The following RGS12 variants were observed in gnomAD, a reference collection of about 807,000 sequenced individuals.
The protein encoded by RGS12 is regulator of G-protein signaling 12.
In RGS12, 66 loss-of-function variants were observed where a neutral mutation model predicts 120.1. That is an observed-to-expected ratio of 0.55 (90% confidence interval 0.45 to 0.67). The LOEUF is 0.67. Ranked by LOEUF, RGS12 falls within the 30% of genes least tolerant of loss-of-function variation. RGS12 has a pLI of 0.00. For synonymous variants in RGS12, 827 were observed against 804.7 expected, an observed-to-expected ratio of 1.03 and a Z score of -0.47; for missense variants, 1,859 against 1,957.7, an observed-to-expected ratio of 0.95 and a Z score of 0.95.
Position 3,430,449 on chromosome 4 carries a change from A to G in RGS12, c.3608A>G (p.Asp1203Gly), listed in dbSNP as rs1169044505. 6.2e-7 allele frequency: 1 copy of G among 1,613,884 alleles called. No homozygotes were observed. The change falls in exon 17 of 18, where the codon GAT becomes GGT. Residue 1203 changes from aspartate to glycine, a missense_variant. By Grantham distance (94) the Asp-to-Gly change is moderately conservative. Coordinates refer to ENST00000336727, the MANE Select transcript of RGS12 (RefSeq NM_001394154.1). ...LISKAQSNRADDQRGLLRKED... is the reference protein window; with the variant it reads ...LISKAQSNRAGDQRGLLRKED... ...TCCAAAGCTCAGAGCAACAGAGCAG[A>G]TGACCAACGTGGGCTGCTAAGGAAG... is the stretch of plus-strand genomic sequence containing the variant.
intron 2 of RGS12, among the ~76,000 whole-genome samples, chr4:3,332,638 A>T (rs759764929): frequency 2.0e-5 from 3 of 152,178 alleles, no homozygotes; most frequent in African/African-American, 7.2e-5. Flanking sequence ...CGCCTACTCA[A>T]ACCTTTTGGT....
chr4:3,305,186 G>A (rs1372990287), intron 1 of RGS12, among the ~76,000 whole-genome samples: 1 of 152,228 alleles, frequency 6.6e-6, no homozygotes, highest in Non-Finnish European at 1.5e-5. Flanking sequence ...CGAGACGAAA[G>A]CCATGGTCTT....
At position 3,295,285 on chromosome 4, in the gene RGS12, T is replaced by C. The variant is rs144596364; in HGVS notation, c.-102+2186T>C. 1.5e-3 allele frequency among the ~76,000 whole-genome samples: 232 copies of C among 152,210 alleles called. 3 individuals carry two copies. Among genetic ancestry groups the C allele is most frequent in the Admixed American group, 3.7e-3 (56 of 15,288 alleles). ...TTCCGGCTGATAGAAGGGGGCTGAG[T>C]GGGCTCTGCAGGCCTGGTTGACAGT... On this transcript the variant is annotated intron_variant, in intron 1 of 17. Coordinates refer to ENST00000336727, the MANE Select transcript of RGS12 (RefSeq NM_001394154.1).
chr4:3,353,238 G>A (rs577000793), intron 3 of RGS12, among the ~76,000 whole-genome samples: 5 of 152,286 alleles, frequency 3.3e-5, no homozygotes, highest in African/African-American at 4.8e-5. Flanking sequence ...GACTACAAAC[G>A]TACACTACTG....
At chr4:3,298,497 T>C (rs1297091641) in intron 1 of RGS12, among the ~76,000 whole-genome samples, 12 of 152,212 alleles carry the variant, frequency 7.9e-5, no homozygotes, top group Non-Finnish European at 2.9e-5. Context: ...AACACAAGCA[T>C]GCACCCCCAC....
chr4:3,416,529 C>T (rs570506970), intron 7 of RGS12, among the ~76,000 whole-genome samples: 8 of 152,296 alleles, frequency 5.3e-5, no homozygotes, highest in Admixed American at 6.5e-5. Context: ...CGCTGCGGCA[C>T]GTGGGTCACG....
chr4:3,423,383 GCTGGGGCTGAA>G, intron 12 of RGS12, 121 bp from the exon 13 acceptor site: 1 of 1,234,692 alleles, frequency 8.1e-7, no homozygotes, highest in Non-Finnish European at 1.2e-6. Context: ...GTTCTGATCA[GCTGGGGCTGAA>G]CTGGGGGGCA....
chr4:3,359,490 C>G (rs1213172428), intron 3 of RGS12, among the ~76,000 whole-genome samples: 4 of 126,546 alleles, frequency 3.2e-5, no homozygotes, highest in Non-Finnish European at 6.6e-5. Flanking sequence ...ATTAGCTCTT[C>G]AAATGTTTGG....
At position 3,366,780 on chromosome 4, in the gene RGS12, G is replaced by C. The variant is rs1716355070; in HGVS notation, c.1999-19636G>C. ...GGTGGGCGCAGGAACTGGTGAGAGAGGCCTGGGAGACAGGTGAGTCTGTAA... is the reference window on the plus strand; with the variant it reads ...GGTGGGCGCAGGAACTGGTGAGAGACGCCTGGGAGACAGGTGAGTCTGTAA... On this transcript the variant is annotated intron_variant, in intron 3 of 17. Transcript: ENST00000336727. This position sits in a 1 kb window ranked among gnomAD's most constrained non-coding sequence, Gnocchi z 4.0. Among the ~76,000 whole-genome samples, 1 of 152,194 alleles carries C rather than the reference G, an allele frequency of 6.6e-6. No homozygotes were observed. Among genetic ancestry groups the C allele is most frequent in the Non-Finnish European group, 1.5e-5 (1 of 68,030 alleles).
intron 13 of RGS12, among the ~76,000 whole-genome samples, chr4:3,424,538 C>A (rs1723397672): frequency 6.6e-6 from 1 of 152,204 alleles, no homozygotes. Context: ...AATTGTTTAG[C>A]CCCTGTGTGT....
In RGS12 at chr4:3,316,476, C is replaced by T. The variant is rs758958882; in HGVS notation, c.306C>T (p.Phe102=). ...TGATTGCTGAAGGCGTCGGCCGCTT[C>T]GAATCCTGTTCCAGTGATGAAGAAG... ...HMVIAEGVGR[F]ESCSSDEEGG... Residue 102 remains phenylalanine (F), a synonymous_variant, in exon 2 of 18, where the codon TTC becomes TTT. Coordinates refer to ENST00000336727, the MANE Select transcript of RGS12 (RefSeq NM_001394154.1). 27 of 1,614,036 alleles carry T rather than the reference C, an allele frequency of 1.7e-5. No individual in the cohort carries two copies. The Middle Eastern group carries it at 9.9e-4, about 59-fold the overall frequency.
rs149260579 is a variant in RGS12, at chr4:3,422,471, C to T, written c.2934C>T (p.Val978=). ...ATGGGACATCCTGCGTGGTGGCTGT[C>T]AAGGCGGGCTTCTCCATCAAAGACA... The part of the protein sequence containing the change: ...LPDGTSCVVA[V]KAGFSIKDIL... Residue 978 remains valine (V), a synonymous_variant, in exon 11 of 18, where the codon GTC becomes GTT. Coordinates refer to ENST00000336727, the MANE Select transcript of RGS12 (RefSeq NM_001394154.1). 4 of 1,613,138 alleles carry T rather than the reference C, an allele frequency of 2.5e-6. No homozygotes were observed. Among genetic ancestry groups the T allele is most frequent in the Non-Finnish European group, 2.5e-6 (3 of 1,179,992 alleles).
In RGS12 at chr4:3,422,905, C is replaced by T. The variant is rs1270367985; in HGVS notation, c.3034C>T (p.Pro1012Ser). The T allele has an allele frequency of 6.2e-7, 1 of 1,612,992 alleles. No individual in the cohort carries two copies. Among genetic ancestry groups the T allele is most frequent in the Non-Finnish European group, 8.5e-7 (1 of 1,179,734 alleles). Residue 1012 changes from proline (P) to serine (S), a missense_variant and splice_region_variant, in exon 12 of 18, where the codon CCT becomes TCT. This residue lies in a region of RGS12 where 375 missense variants were observed against 475.0 expected (regional missense o/e 0.79). Coordinates refer to ENST00000336727, the MANE Select transcript of RGS12 (RefSeq NM_001394154.1). ...ADLFLVGGDK[P>S]LVLHQDSSIL... ...TGATTCTGGTCTCTCTGTTCCTCAG[C>T]CTCTGGTGCTGCACCAAGACAGTAG... is the stretch of plus-strand genomic sequence containing the variant.
chr4:3,371,586 G>A (rs1348419285), intron 3 of RGS12, among the ~76,000 whole-genome samples: 2 of 152,112 alleles, frequency 1.3e-5, no homozygotes, highest in African/African-American at 4.8e-5. Flanking sequence ...AGTTGTTCAC[G>A]GGAGTGTATT....
intron 1 of RGS12, among the ~76,000 whole-genome samples, chr4:3,305,505 G>A (rs1723923562): frequency 1.3e-5 from 2 of 152,182 alleles, no homozygotes; most frequent in Non-Finnish European, 2.9e-5. Flanking sequence ...TGGGGTGCAC[G>A]GTACCCCGGT....
At chr4:3,371,046 A>G (rs1391090827) in intron 3 of RGS12, among the ~76,000 whole-genome samples, 1 of 152,232 alleles carries the variant, frequency 6.6e-6, no homozygotes, top group African/African-American at 2.4e-5. Flanking sequence ...TCTTCTGTAG[A>G]GAAGCGAAGG....
intron 4 of RGS12, among the ~76,000 whole-genome samples, chr4:3,401,701 G>T (rs1002330310): frequency 6.6e-6 from 1 of 152,260 alleles, no homozygotes; most frequent in Non-Finnish European, 1.5e-5. Context: ...TGTGGACTAG[G>T]TAACACCAGG....
At chr4:3,296,239 G>T (rs1005314175) in intron 1 of RGS12, among the ~76,000 whole-genome samples, 4 of 152,132 alleles carry the variant, frequency 2.6e-5, no homozygotes, top group Non-Finnish European at 5.9e-5. Context: ...GTGGAGTGCG[G>T]TGGCACAATC....
intron 2 of RGS12, among the ~76,000 whole-genome samples, chr4:3,321,977 C>A (rs1725230937): frequency 6.6e-6 from 1 of 152,244 alleles, no homozygotes; most frequent in Non-Finnish European, 1.5e-5. Flanking sequence ...ACAAGTTGGT[C>A]TCTAAGGCCA....
Sources: allele counts gnomAD v4.1 joint callset (sites outside exome capture counted in the v4.1 genomes callset), GRCh38; gene constraint gnomAD v4.1.1; regional missense constraint gnomAD v4.1.1; non-coding constraint Gnocchi (gnomAD v3.1); transcripts MANE v1.5; gene names NCBI Gene and HGNC (gene_info 2026-07-23, HGNC 2026-07-21).